The following DEUP1 variants were observed in gnomAD, a reference collection of about 807,000 sequenced individuals.
DEUP1 encodes coiled-coil domain containing 67.
DEUP1 carries 82 observed loss-of-function variants against 87.4 expected under a neutral mutation model. That is an observed-to-expected ratio of 0.94 (90% CI 0.78 to 1.13). The LOEUF is 1.13. Among genes scored for constraint, DEUP1 ranks in the 50% most tolerant of loss-of-function variants. The probability of loss-of-function intolerance (pLI) is 0.00; values close to 1 mark genes in which losing one functional copy is unlikely to be tolerated. For missense variants in DEUP1, 663 were observed against 681.5 expected, an observed-to-expected ratio of 0.97 and a Z score of 0.30; for synonymous variants, 214 against 222.7, an observed-to-expected ratio of 0.96 and a Z score of 0.35.
chr11:93,389,229 T>A, intron 9 of DEUP1, 104 bp downstream of exon 9: 1 of 687,642 alleles, frequency 1.5e-6, no homozygotes, highest in South Asian at 1.8e-5. Context: ...GTTTTCCTTC[T>A]GTATTTTTTT....
chr11:93,359,482 C>T (rs1945061051), intron 4 of DEUP1, among the ~76,000 whole-genome samples: 1 of 152,130 alleles, frequency 6.6e-6, no homozygotes, highest in Non-Finnish European at 1.5e-5. Context: ...CAACATAAGA[C>T]TCTGAGAAGT....
At chr11:93,418,041 T>G (rs1947709522) in intron 13 of DEUP1, among the ~76,000 whole-genome samples, 1 of 152,054 alleles carries the variant, frequency 6.6e-6, no homozygotes, top group African/African-American at 2.4e-5. Flanking sequence ...CAAGATGGAT[T>G]AAAGACTTAA....
chr11:93,343,053 A>G (rs1481851082), intron 2 of DEUP1, among the ~76,000 whole-genome samples: 1 of 152,208 alleles, frequency 6.6e-6, no homozygotes. Context: ...TGTTGAATAG[A>G]TGGTTGGACA....
At chr11:93,410,423 T>G (rs1947402197) in intron 12 of DEUP1, among the ~76,000 whole-genome samples, 1 of 152,154 alleles carries the variant, frequency 6.6e-6, no homozygotes, top group Admixed American at 6.5e-5. Context: ...AATCCTGATT[T>G]TGGTGTAAGA....
At chr11:93,331,214 GT>G (rs1461643015) in intron 1 of DEUP1, among the ~76,000 whole-genome samples, 2 of 152,198 alleles carry the variant, frequency 1.3e-5, no homozygotes, top group African/African-American at 4.8e-5. Flanking sequence ...TGGAAGTGAT[GT>G]GAGCTCGAAT....
intron 7 of DEUP1, among the ~76,000 whole-genome samples, chr11:93,383,112 G>A (rs1946375370): frequency 1.3e-5 from 2 of 152,084 alleles, no homozygotes; most frequent in Non-Finnish European, 2.9e-5. Context: ...GTGAACTTCT[G>A]TATAAGAATT....
intron 2 of DEUP1, among the ~76,000 whole-genome samples, chr11:93,344,884 G>A (rs531626439): frequency 3.6e-4 from 54 of 150,976 alleles, no homozygotes; most frequent in South Asian, 3.6e-3. Flanking sequence ...AAGTTCAAAG[G>A]TGCATGTTGA....
At chr11:93,415,884 A>AT (rs1947605047) in intron 13 of DEUP1, among the ~76,000 whole-genome samples, 2 of 152,104 alleles carry the variant, frequency 1.3e-5, no homozygotes, top group Admixed American at 6.6e-5. Flanking sequence ...AAATTCATTC[A>AT]TTCATTCTAC....
intron 11 of DEUP1, among the ~76,000 whole-genome samples, chr11:93,399,188 T>C (rs1458562062): frequency 6.6e-6 from 1 of 151,862 alleles, no homozygotes; most frequent in Non-Finnish European, 1.5e-5. Flanking sequence ...TATATATATA[T>C]ATTTCTTCTA....
intron 8 of DEUP1, 141 bp downstream of exon 8, chr11:93,385,684 A>C: frequency 1.9e-6 from 1 of 539,278 alleles, no homozygotes; most frequent in South Asian, 4.0e-5. Context: ...TTAAATATTA[A>C]AAATAAAATT....
At chr11:93,353,718 C>G (rs1944746495) in intron 2 of DEUP1, among the ~76,000 whole-genome samples, 1 of 152,252 alleles carries the variant, frequency 6.6e-6, no homozygotes, top group Non-Finnish European at 1.5e-5. Context: ...ATACTTGGGG[C>G]TTCTATCCTC....
At chr11:93,413,804 G>A (rs1591249591) in intron 12 of DEUP1, among the ~76,000 whole-genome samples, 1 of 152,046 alleles carries the variant, frequency 6.6e-6, no homozygotes, top group South Asian at 2.1e-4. Flanking sequence ...GGTTTTTTAA[G>A]TCAAGAAAAT....
chr11:93,336,201 G>A (rs373516123), intron 2 of DEUP1, among the ~76,000 whole-genome samples: 3 of 152,154 alleles, frequency 2.0e-5, no homozygotes, highest in Non-Finnish European at 2.9e-5. Context: ...GGCAGAAGGC[G>A]AAGAGGAAGG....
At chr11:93,350,524 GA>G (rs1392714737) in intron 2 of DEUP1, among the ~76,000 whole-genome samples, 12 of 152,150 alleles carry the variant, frequency 7.9e-5, no homozygotes, top group African/African-American at 2.9e-4. Flanking sequence ...CAGTGATATT[GA>G]AAAACAGGTC....
At chr11:93,434,826 C>A (rs1325700801) in intron 13 of DEUP1, among the ~76,000 whole-genome samples, 1 of 152,172 alleles carries the variant, frequency 6.6e-6, no homozygotes, top group Non-Finnish European at 1.5e-5. Flanking sequence ...AAACACAGAA[C>A]CATAAAACAG....
At position 93,396,754 on chromosome 11, in the gene DEUP1, G is replaced by A. The variant is rs141968325; in HGVS notation, c.1326+429G>A. On this transcript the variant is annotated intron_variant, in intron 11 of 13. Coordinates refer to ENST00000298050, the MANE Select transcript of DEUP1 (RefSeq NM_181645.4). ...GTTGCTTGTCACTTTCCCAGTGGAT[G>A]GCAAGCAGAGAACCATGTCTTATTG... Among the ~76,000 whole-genome samples the A allele has an allele frequency of 4.7e-4, 71 of 152,264 alleles. No homozygotes were observed. In the East Asian group the frequency reaches 9.8e-3, roughly 21 times the overall value.
chr11:93,397,636 C>T (rs567324706), intron 11 of DEUP1, among the ~76,000 whole-genome samples: 2 of 152,176 alleles, frequency 1.3e-5, no homozygotes, highest in South Asian at 4.1e-4. Flanking sequence ...ATAGCAGACA[C>T]AGAGATGTAT....
intron 13 of DEUP1, among the ~76,000 whole-genome samples, chr11:93,433,341 C>A (rs1300117069): frequency 6.6e-6 from 1 of 152,152 alleles, no homozygotes; most frequent in African/African-American, 2.4e-5. Flanking sequence ...CATAATGAGG[C>A]TCCGTTTCTA....
rs910119191 is a variant in DEUP1, at chr11:93,438,073, T to A, written c.*354T>A. 5.8e-6 allele frequency: 1 copy of A among 173,288 alleles called. No individual in the cohort carries two copies. Among genetic ancestry groups the A allele is most frequent in the East Asian group, 1.8e-4 (1 of 5,562 alleles). 10.7% of individuals were successfully genotyped at this position (173,288 alleles called of 1,614,324 possible). ...CCATTTCCTCAGCAACTACACAAAATAAGAGAAAGGGAAGTGCTATATTCC... is the reference window on the plus strand; with the variant it reads ...CCATTTCCTCAGCAACTACACAAAAAAAGAGAAAGGGAAGTGCTATATTCC... On this transcript the variant is annotated 3_prime_UTR_variant, in exon 14 of 14. Coordinates refer to ENST00000298050, the MANE Select transcript of DEUP1 (RefSeq NM_181645.4).
Sources: allele counts gnomAD v4.1 joint callset (sites outside exome capture counted in the v4.1 genomes callset), GRCh38; gene constraint gnomAD v4.1.1; transcripts MANE v1.5; gene names NCBI Gene and HGNC (gene_info 2026-07-23, HGNC 2026-07-21).